ARPC4: variants seen among roughly 807,000 people sequenced by gnomAD.
ARPC4 encodes the protein actin-related protein 2/3 complex subunit 4.
Under a neutral mutation model 22.8 loss-of-function variants are expected in ARPC4, and 3 were observed. The observed-to-expected ratio is 0.13, with a 90% CI of 0.06 to 0.34. ARPC4 has a LOEUF of 0.34. Ranked by LOEUF, ARPC4 falls within the 10% of genes least tolerant of loss-of-function variation. ARPC4 has a pLI of 1.00. For synonymous variants in ARPC4, 80 were observed against 72.5 expected (o/e 1.10, Z -0.52); for missense variants, 98 against 211.0 (o/e 0.46, Z 3.32).
chr3:9,801,548 C>T (rs2125646485), intron 3 of ARPC4, 113 bp from the exon 4 acceptor site: 1 of 1,037,996 alleles, frequency 9.6e-7, no homozygotes. Context: ...GAGTACCAAA[C>T]CTCACTGTCT....
At position 9,797,739 on chromosome 3, in the gene ARPC4, G is replaced by A; in HGVS notation, c.84G>A (p.Gln28=). 1.2e-6 allele frequency: 2 copies of A among 1,614,186 alleles called. No homozygotes were observed. Among genetic ancestry groups the A allele is most frequent in the Non-Finnish European group, 1.7e-6 (2 of 1,180,032 alleles). The stretch of plus-strand genomic sequence containing the variant: ...TCTGCCTGGAGAACTTCTCCTCCCA[G>A]GTTGTGGAACGACACAACAAGCCGG... ...AALCLENFSS[Q]VVERHNKPEV... is the part of the protein sequence containing the mutation. The change falls in exon 2 of 6, where the codon CAG becomes CAA. Residue 28 remains glutamine, a synonymous_variant. Coordinates refer to ENST00000397261, the MANE Select transcript of ARPC4 (RefSeq NM_005718.5).
chr3:9,804,106 G>C, intron 5 of ARPC4, 93 bp downstream of exon 5: 1 of 1,447,506 alleles, frequency 6.9e-7, no homozygotes, highest in Non-Finnish European at 9.5e-7. Flanking sequence ...GGTCCAAGCA[G>C]TGTGTTTATA....
chr3:9,802,938 A>T (rs1316134552), intron 4 of ARPC4, among the ~76,000 whole-genome samples: 3 of 150,520 alleles, frequency 2.0e-5, no homozygotes, highest in Non-Finnish European at 3.0e-5. Context: ...AAAGTGAATC[A>T]TAGTCTGCAA....
chr3:9,804,883 A>G (rs544468990), intron 5 of ARPC4, among the ~76,000 whole-genome samples: 2 of 152,340 alleles, frequency 1.3e-5, no homozygotes, highest in South Asian at 4.1e-4. Context: ...TATGGAGGCA[A>G]CCCACCTGTG....
intron 4 of ARPC4, chr3:9,803,621 A>G: frequency 2.9e-6 from 2 of 701,384 alleles, no homozygotes; most frequent in South Asian, 2.8e-5. Context: ...GAGATGTCTG[A>G]TACACACAGA....
Position 9,800,296 on chromosome 3 carries a change from G to A in ARPC4, c.234G>A (p.Gln78=), listed in dbSNP as rs748680769. 1 of 1,614,034 alleles carries A rather than the reference G, an allele frequency of 6.2e-7. No homozygotes were observed. Among genetic ancestry groups the A allele is most frequent in the South Asian group, 1.1e-5 (1 of 91,062 alleles). Residue 78 remains glutamine (Q), a splice_region_variant and synonymous_variant, in exon 3 of 6, where the codon CAG becomes CAA. Coordinates refer to ENST00000397261, the MANE Select transcript of ARPC4 (RefSeq NM_005718.5). The part of the protein sequence containing the change: ...NSVRVSIAVK[Q]ADEIEKILCH... ...TCCGGGTCAGCATTGCTGTGAAACA[G>A]GTAAGTTCACCATGGAGGAGGCCCA...
chr3:9,792,829 A>C, upstream of ARPC4: 1 of 1,350,304 alleles, frequency 7.4e-7, no homozygotes, highest in Non-Finnish European at 9.5e-7. Context: ...TACCTGGGGG[A>C]GGCTGTGGCA....
intron 3 of ARPC4, 100 bp downstream of exon 3, chr3:9,800,396 C>T (rs900309907): frequency 1.1e-5 from 13 of 1,140,040 alleles, no homozygotes; most frequent in Middle Eastern, 2.8e-4. Context: ...GTGCCAGATT[C>T]CAGATTCAGA....
intron 2 of ARPC4, among the ~76,000 whole-genome samples, chr3:9,799,060 G>C (rs2078955542): frequency 6.6e-6 from 1 of 152,130 alleles, no homozygotes; most frequent in African/African-American, 2.4e-5. Context: ...CTTTGAAAAT[G>C]GTTAGCAGTT....
chr3:9,800,939 A>T (rs2078994233), intron 3 of ARPC4, among the ~76,000 whole-genome samples: 1 of 151,888 alleles, frequency 6.6e-6, no homozygotes, highest in Admixed American at 6.6e-5. Flanking sequence ...GGCCAGGCAC[A>T]GTGGCTCATG....
In ARPC4 at chr3:9,802,674, C is replaced by CTT. The variant is rs540000952; in HGVS notation, c.330+926_330+927dup. On this transcript the variant is annotated intron_variant, in intron 4 of 5. Coordinates refer to ENST00000397261, the MANE Select transcript of ARPC4 (RefSeq NM_005718.5). ...ACAGGCTTGAGCCACCGCGCCTGGC[C>CTT]TTTTTTTTTCTTTTTTTGAGATGGA... Among the ~76,000 whole-genome samples the CTT allele has an allele frequency of 7.5e-4, 42 of 56,368 alleles. 3 individuals are homozygous for CTT. The highest frequency in any genetic ancestry group is 1.8e-3 in the African/African-American group (28 of 15,332). 37.0% of individuals were successfully genotyped at this position (56,368 alleles called of 152,430 possible).
chr3:9,800,388 GC>G, intron 3 of ARPC4, 92 bp downstream of exon 3: 1 of 1,218,468 alleles, frequency 8.2e-7, no homozygotes, highest in Non-Finnish European at 1.2e-6. Flanking sequence ...AGATCAGTGT[GC>G]CAGATTCCAG....
rs182245004 is a variant in ARPC4 at position 9,795,216 on chromosome 3, T to C, written c.3+2092T>C. ...GGTTTTGCCATGTTGGCCAGGCTGGTCTTGAACTCCTGACCTGAGGTGGTC... is the reference window on the plus strand; with the variant it reads ...GGTTTTGCCATGTTGGCCAGGCTGGCCTTGAACTCCTGACCTGAGGTGGTC... On this transcript the variant is annotated intron_variant, in intron 1 of 5. Coordinates refer to ENST00000397261, the MANE Select transcript of ARPC4 (RefSeq NM_005718.5). Among the ~76,000 whole-genome samples the C allele has an allele frequency of 3.3e-4, 50 of 152,226 alleles. No homozygotes were observed. The East Asian group carries it at 8.3e-3, about 25-fold the overall frequency.
chr3:9,798,120 C>CTTT (rs397964258), intron 2 of ARPC4: 20 of 115,756 alleles, frequency 1.7e-4, no homozygotes, highest in East Asian at 6.9e-4. Context: ...CCATACTTTT[C>CTTT]TTTTTTTTTT....
intron 1 of ARPC4, among the ~76,000 whole-genome samples, chr3:9,796,777 T>TA (rs1169549608): frequency 4.0e-5 from 6 of 151,710 alleles, no homozygotes; most frequent in Non-Finnish European, 5.9e-5. Flanking sequence ...CTGTCTCTAC[T>TA]AAAAATACAA....
chr3:9,796,895 C>T (rs984239789), intron 1 of ARPC4, among the ~76,000 whole-genome samples: 2 of 141,192 alleles, frequency 1.4e-5, no homozygotes, highest in East Asian at 4.1e-4. Context: ...GAGCCGAGAT[C>T]GTGCCACCGC....
intron 2 of ARPC4, among the ~76,000 whole-genome samples, chr3:9,799,317 G>A (rs2078960871): frequency 6.6e-6 from 1 of 152,184 alleles, no homozygotes; most frequent in African/African-American, 2.4e-5. Context: ...AAATGCTTGG[G>A]ACCAAAAGTA....
chr3:9,798,561 G>A (rs945905998), intron 2 of ARPC4, among the ~76,000 whole-genome samples: 4 of 152,222 alleles, frequency 2.6e-5, no homozygotes, highest in African/African-American at 9.6e-5. Context: ...ACTCCAGCCT[G>A]GGTGAGACCC....
At chr3:9,803,817 C>T in intron 4 of ARPC4, 26 bp from the exon 5 acceptor site, 3 of 1,607,076 alleles carry the variant, frequency 1.9e-6, no homozygotes, top group Non-Finnish European at 2.6e-6. Context: ...CCTTCTCTTC[C>T]CCCTCCCTAC....
Sources: allele counts gnomAD v4.1 joint callset (sites outside exome capture counted in the v4.1 genomes callset), GRCh38; gene constraint gnomAD v4.1.1; transcripts MANE v1.5; gene names NCBI Gene and HGNC (gene_info 2026-07-23, HGNC 2026-07-21).